Variants in ST3GAL2 observed in about 807,000 individuals in gnomAD.
The protein encoded by ST3GAL2 is CMP-N-acetylneuraminate-beta-galactosamide-alpha-2,3-sialyltransferase 2.
In ST3GAL2, 16 loss-of-function variants were observed where a neutral mutation model predicts 37.5. The ratio of observed to expected loss-of-function variants is 0.43; its 90% CI spans 0.29 to 0.65. The LOEUF (loss-of-function observed/expected upper bound fraction) is 0.65. Ranked by LOEUF, ST3GAL2 falls within the 30% of genes least tolerant of loss-of-function variation. ST3GAL2 has a pLI of 0.17. For missense variants in ST3GAL2, 383 were observed against 487.8 expected (o/e 0.79, Z 2.02); for synonymous variants, 238 against 202.9 (o/e 1.17, Z -1.47).
At chr16:70,395,306 C>T (rs936805978) in intron 2 of ST3GAL2, 131 bp from the exon 3 acceptor site, 4 of 820,360 alleles carry the variant, frequency 4.9e-6, no homozygotes, top group African/African-American at 3.5e-5. Context: ...AGGGCTCTGC[C>T]AGGGAACAGG....
chr16:70,389,373 G>T (rs370181695), intron 3 of ST3GAL2, among the ~76,000 whole-genome samples: 2 of 150,324 alleles, frequency 1.3e-5, no homozygotes, highest in Non-Finnish European at 3.0e-5. Context: ...GTGCTATCTC[G>T]GCTCACTGCA....
Position 70,429,262 on chromosome 16 carries a change from C to G in ST3GAL2, c.-1004+9687G>C, listed in dbSNP as rs74026031. 3.4e-3 allele frequency among the ~76,000 whole-genome samples: 519 copies of G among 152,222 alleles called. 6 individuals carry two copies. Among genetic ancestry groups the G allele is most frequent in the African/African-American group, 0.012 (486 of 41,552 alleles). ...TACTACCTCCCCACTCAGGCTGTGG[C>G]GGGCTTCTGTCAATCAGGTTGACCA... On this transcript the variant is annotated intron_variant, in intron 1 of 6. Coordinates refer to ENST00000342907, the MANE Select transcript of ST3GAL2 (RefSeq NM_006927.4).
Position 70,376,199 on chromosome 16 carries a change from A to G in ST3GAL2, c.*5490T>C, listed in dbSNP as rs1311880411. 1 of 152,196 alleles carries G rather than the reference A, an allele frequency of 6.6e-6. No homozygotes were observed. Among genetic ancestry groups the G allele is most frequent in the East Asian group, 1.9e-4 (1 of 5,202 alleles). The allele number at this position is 152,196 out of a possible 1,614,324, so 9.4% of individuals were successfully genotyped here. ...TGACAAATGGTAGGCAAAAAAAGAT[A>G]TCGCAGGAAGGCCCTCCGTGATTCA... On this transcript the variant is annotated 3_prime_UTR_variant, in exon 7 of 7. Coordinates refer to ENST00000342907, the MANE Select transcript of ST3GAL2 (RefSeq NM_006927.4).
chr16:70,398,102 C>G, intron 2 of ST3GAL2, 90 bp downstream of exon 2: 1 of 1,402,550 alleles, frequency 7.1e-7, no homozygotes, highest in Middle Eastern at 2.2e-4. Flanking sequence ...GGCATTTTGT[C>G]AAGGCTCTGG....
intron 4 of ST3GAL2, among the ~76,000 whole-genome samples, chr16:70,385,452 G>C (rs1262590813): frequency 1.3e-5 from 2 of 152,158 alleles, no homozygotes; most frequent in East Asian, 3.8e-4. Flanking sequence ...TGGAAATGGA[G>C]AGTGGTGATG....
Position 70,388,394 on chromosome 16 carries a change from C to G in ST3GAL2, c.686G>C (p.Ser229Thr). ...TCGGATCTGCCCCGTGGACAAGGCG[C>G]TGGCGATCCACAGAAGGTCCAGGAC... ...FKVLDLLWIA[S>T]ALSTGQIRFT... Residue 229 changes from serine (S) to threonine (T), a missense_variant, in exon 4 of 7, where the codon AGC (serine) becomes ACC (threonine). Physicochemically the swap from Ser to Thr is moderately conservative, Grantham distance 58. Transcript: ENST00000342907. 1 of 1,614,208 alleles carries G rather than the reference C, an allele frequency of 6.2e-7. No homozygotes were observed. Among genetic ancestry groups the G allele is most frequent in the South Asian group, 1.1e-5 (1 of 91,088 alleles).
intron 1 of ST3GAL2, among the ~76,000 whole-genome samples, chr16:70,438,363 G>A (rs2047841020): frequency 6.6e-6 from 1 of 152,198 alleles, no homozygotes; most frequent in Non-Finnish European, 1.5e-5. Context: ...AGCCTCCACG[G>A]GACTGGCGCT....
chr16:70,437,657 C>A (rs2047834910), intron 1 of ST3GAL2, among the ~76,000 whole-genome samples: 1 of 152,212 alleles, frequency 6.6e-6, no homozygotes, highest in Admixed American at 6.5e-5. Context: ...CCTTCCTCCA[C>A]AGAGAGATCA....
chr16:70,388,125 A>C (rs571217350), intron 4 of ST3GAL2, among the ~76,000 whole-genome samples: 298 of 151,802 alleles, frequency 2.0e-3, no homozygotes, highest in African/African-American at 3.5e-3. Context: ...AAAAAAAAAA[A>C]AAACAAACAA....
intron 1 of ST3GAL2, chr16:70,401,029 T>G (rs1415316617): frequency 1.3e-5 from 2 of 152,314 alleles, no homozygotes; most frequent in African/African-American, 4.8e-5. Flanking sequence ...CTTTGCCTGC[T>G]GCATGCCCAA....
chr16:70,402,794 C>G (rs2151665998), intron 1 of ST3GAL2, among the ~76,000 whole-genome samples: 1 of 152,260 alleles, frequency 6.6e-6, no homozygotes. Flanking sequence ...GGATTACAGG[C>G]ATGTGCCACC....
At chr16:70,422,075 A>G (rs2047718821) in intron 1 of ST3GAL2, among the ~76,000 whole-genome samples, 1 of 152,156 alleles carries the variant, frequency 6.6e-6, no homozygotes. Context: ...CTGCACTAAC[A>G]TTTCACAGGG....
At chr16:70,402,283 CAAAAAAAAAAAAAAA>C (rs1042560583) in intron 1 of ST3GAL2, among the ~76,000 whole-genome samples, 2 of 40,714 alleles carry the variant, frequency 4.9e-5, no homozygotes, top group African/African-American at 2.0e-4. Flanking sequence ...AACTATTTCT[CAAAAAAAAAAAAAAA>C]AAAAAAAAAA....
At chr16:70,411,624 T>C (rs1468450316) in intron 1 of ST3GAL2, among the ~76,000 whole-genome samples, 1 of 152,186 alleles carries the variant, frequency 6.6e-6, no homozygotes, top group East Asian at 1.9e-4. Context: ...CCACACTTCT[T>C]GTTATAAACT....
At chr16:70,382,672 G>A (rs2047414353) in intron 6 of ST3GAL2, 133 bp downstream of exon 6, 1 of 1,356,158 alleles carries the variant, frequency 7.4e-7, no homozygotes, top group Non-Finnish European at 1.0e-6. Flanking sequence ...TTACAGCCTA[G>A]AGATGGGGGA....
rs1408265509 is a variant in ST3GAL2 at position 70,395,111 on chromosome 16, A to G, written c.404T>C (p.Val135Ala). Residue 135 changes from valine to alanine, a missense_variant, in exon 3 of 7, where the codon GTG (valine) becomes GCG (alanine). By Grantham distance (64) the Val-to-Ala change is moderately conservative (BLOSUM62 0). Coordinates refer to ENST00000342907, the MANE Select transcript of ST3GAL2 (RefSeq NM_006927.4). The part of the protein sequence containing the change: ...NEVLEKLFQI[V>A]PGENPYRFRD... ...GAAGCGGTAGGGGTTCTCGCCAGGC[A>G]CTATCTGGAACAGCTTCTCCAGCAC... 1 of 1,613,734 alleles carries G rather than the reference A, an allele frequency of 6.2e-7. No individual in the cohort carries two copies. Among genetic ancestry groups the G allele is most frequent in the Non-Finnish European group, 8.5e-7 (1 of 1,179,828 alleles).
In ST3GAL2 at chr16:70,379,221, C is replaced by G. The variant is rs945810653; in HGVS notation, c.*2468G>C. On this transcript the variant is annotated 3_prime_UTR_variant, in exon 7 of 7. Coordinates refer to ENST00000342907, the MANE Select transcript of ST3GAL2 (RefSeq NM_006927.4). ...CAAAGTGGTTACAGGACAGCCACTG[C>G]GAGGAGCTGCTACCAGGAATCCTCT... 2 of 152,102 alleles carry G rather than the reference C, an allele frequency of 1.3e-5. No homozygotes were observed. The highest frequency in any genetic ancestry group is 4.8e-5 in the African/African-American group (2 of 41,396). 9.4% of individuals were successfully genotyped at this position (152,102 alleles called of 1,614,324 possible). A position where few individuals can be genotyped will look rare whatever the true frequency, so the allele number is the denominator to read the frequency against.
At chr16:70,434,224 G>A (rs370137921) in intron 1 of ST3GAL2, among the ~76,000 whole-genome samples, 2 of 152,256 alleles carry the variant, frequency 1.3e-5, no homozygotes, top group East Asian at 3.9e-4. Context: ...GGATCACGAG[G>A]TCAGGAGTTC....
chr16:70,396,794 T>C (rs1247647751), intron 2 of ST3GAL2, among the ~76,000 whole-genome samples: 3 of 152,014 alleles, frequency 2.0e-5, no homozygotes, highest in Non-Finnish European at 4.4e-5. Context: ...CCATGACATG[T>C]GTGGCAACCA....
Sources: gnomAD v4.1 joint callset for allele counts (sites outside exome capture counted in the v4.1 genomes callset) on GRCh38, gnomAD v4.1.1 for gene constraint, MANE v1.5 for transcripts, NCBI Gene and HGNC (gene_info 2026-07-23, HGNC 2026-07-21) for gene names.